Variants in CSMD2 observed in about 807,000 individuals in gnomAD.
CSMD2 encodes the protein CUB and sushi domain-containing protein 2.
In CSMD2, 130 loss-of-function variants were observed where a neutral mutation model predicts 398.5. That is an observed-to-expected ratio of 0.33 (90% CI 0.28 to 0.38). The LOEUF (loss-of-function observed/expected upper bound fraction) is 0.38. Among genes scored for constraint, CSMD2 ranks in the 10% least tolerant of loss-of-function variants. CSMD2 has a pLI of 1.00. For synonymous variants in CSMD2, 1,828 were observed against 1,908.5 expected, an observed-to-expected ratio of 0.96 and a Z score of 1.10; for missense variants, 3,829 against 4,764.9, an observed-to-expected ratio of 0.80 and a Z score of 5.78.
At chr1:34,161,148 A>G (rs945613893) in intron 1 of CSMD2, among the ~76,000 whole-genome samples, 6 of 152,156 alleles carry the variant, frequency 3.9e-5, no homozygotes, top group African/African-American at 1.4e-4. Flanking sequence ...CATAACTGGG[A>G]GGCTACAGGA....
intron 4 of CSMD2, 100 bp from the exon 5 acceptor site, chr1:33,918,401 G>T: frequency 2.1e-6 from 2 of 951,954 alleles, no homozygotes; most frequent in Non-Finnish European, 3.2e-6. Context: ...TGTCTCCCAA[G>T]AGTACAATTC....
At chr1:33,721,767 G>A (rs1338223911) in intron 19 of CSMD2, among the ~76,000 whole-genome samples, 3 of 152,230 alleles carry the variant, frequency 2.0e-5, no homozygotes, top group Non-Finnish European at 4.4e-5. Flanking sequence ...TTAAGTACAT[G>A]TGGTGGGACT....
Position 34,164,889 on chromosome 1 carries a change from T to C in CSMD2, c.187+22A>G, listed in dbSNP as rs1428519651. The C allele has an allele frequency of 2.5e-6, 3 of 1,217,760 alleles. No homozygotes were observed. The highest frequency in any genetic ancestry group is 3.1e-6 in the Non-Finnish European group (3 of 979,110). 75.4% of individuals were successfully genotyped at this position (1,217,760 alleles called of 1,614,324 possible). A position where few individuals can be genotyped will look rare whatever the true frequency, so the allele number is the denominator to read the frequency against. ...GGTGGGGCGCGCGGCGGCCGCTGGC[T>C]CCTCGGCGCGGCTGGACTCACCCGC... On this transcript the variant is annotated intron_variant, in intron 1 of 70. Coordinates refer to ENST00000373381, the MANE Select transcript of CSMD2 (RefSeq NM_001281956.2). This position sits in a 1 kb window ranked among gnomAD's most constrained non-coding sequence, Gnocchi z 6.2.
At chr1:34,132,702 C>T (rs1418121277) in intron 1 of CSMD2, among the ~76,000 whole-genome samples, 1 of 152,198 alleles carries the variant, frequency 6.6e-6, no homozygotes, top group Non-Finnish European at 1.5e-5. Context: ...CAAATTCTCT[C>T]TCCTTGAGCT....
At chr1:33,583,335 A>C (rs1488234579) in intron 47 of CSMD2, among the ~76,000 whole-genome samples, 7 of 152,122 alleles carry the variant, frequency 4.6e-5, no homozygotes, top group Admixed American at 1.3e-4. Context: ...TTTTGGAGGA[A>C]GCACACTCTT....
At chr1:33,826,423 A>G (rs1459927912) in intron 6 of CSMD2, among the ~76,000 whole-genome samples, 2 of 152,190 alleles carry the variant, frequency 1.3e-5, no homozygotes, top group African/African-American at 4.8e-5. Context: ...GGCCTCTTGC[A>G]TCTCTGCCAT....
chr1:33,939,448 G>T (rs1231791317), intron 3 of CSMD2, among the ~76,000 whole-genome samples: 1 of 152,208 alleles, frequency 6.6e-6, no homozygotes, highest in East Asian at 1.9e-4. Flanking sequence ...AAGCTAAGGT[G>T]AGGGGAGGGA....
At position 33,633,514 on chromosome 1, in the gene CSMD2, A is replaced by C. The variant is rs747385701; in HGVS notation, c.5108T>G (p.Phe1703Cys). ...KDYVVFGQFA[F>C]FHTALNDVVE... ...CACGTCGTTGAGGGCCGTGTGAAAG[A>C]AGGCGAACTGGCCAAACACCACTGT... Residue 1703 changes from phenylalanine to cysteine, a missense_variant, in exon 32 of 71, where the codon TTC becomes TGC. Physicochemically the swap from Phe to Cys is radical, Grantham distance 205 (BLOSUM62 -2). Transcript: ENST00000373381. The surrounding 1 kb of genome is among the most constrained non-coding windows in gnomAD (Gnocchi z 5.0). 1.3e-6 allele frequency: 2 copies of C among 1,552,744 alleles called. No individual in the cohort carries two copies. The highest frequency in any genetic ancestry group is 2.4e-5 in the East Asian group (1 of 41,072).
intron 1 of CSMD2, among the ~76,000 whole-genome samples, chr1:34,102,176 G>A: frequency 6.6e-6 from 1 of 152,044 alleles, no homozygotes; most frequent in Non-Finnish European, 1.5e-5. Context: ...GACTACAGGT[G>A]CCCGCCACCA....
At chr1:33,888,413 A>G (rs1187685880) in intron 5 of CSMD2, among the ~76,000 whole-genome samples, 1 of 152,246 alleles carries the variant, frequency 6.6e-6, no homozygotes, top group African/African-American at 2.4e-5. Flanking sequence ...TGACACAGAA[A>G]TAGATTAACA....
At chr1:33,549,758 C>T (rs1657255040) in intron 56 of CSMD2, among the ~76,000 whole-genome samples, 1 of 152,102 alleles carries the variant, frequency 6.6e-6, no homozygotes, top group Non-Finnish European at 1.5e-5. Flanking sequence ...GAAAAGAACA[C>T]AGGAGTGGGC....
At chr1:33,649,513 A>G (rs1266093570) in intron 28 of CSMD2, among the ~76,000 whole-genome samples, 1 of 152,070 alleles carries the variant, frequency 6.6e-6, no homozygotes, top group Non-Finnish European at 1.5e-5. Flanking sequence ...GTGTGGTGGC[A>G]TGCACCTGTA....
At chr1:33,682,499 G>T (rs1227324870) in intron 25 of CSMD2, among the ~76,000 whole-genome samples, 2 of 152,134 alleles carry the variant, frequency 1.3e-5, no homozygotes, top group East Asian at 3.9e-4. Context: ...TGTTACCTTT[G>T]TAAGTGAATC....
intron 3 of CSMD2, among the ~76,000 whole-genome samples, chr1:34,010,318 C>A (rs1279729172): frequency 6.6e-6 from 1 of 152,192 alleles, no homozygotes; most frequent in Non-Finnish European, 1.5e-5. Flanking sequence ...GGAAGCAGGG[C>A]CTGTAAGGGA....
chr1:33,822,958 C>A (rs1490391321), intron 7 of CSMD2, among the ~76,000 whole-genome samples: 1 of 152,208 alleles, frequency 6.6e-6, no homozygotes, highest in Non-Finnish European at 1.5e-5. Context: ...TTCATGGGAA[C>A]CACACAGCCC....
intron 1 of CSMD2, among the ~76,000 whole-genome samples, chr1:34,111,999 TC>T (rs1299473690): frequency 6.7e-6 from 1 of 149,410 alleles, no homozygotes; most frequent in Non-Finnish European, 1.5e-5. Flanking sequence ...TCTCTCTCTC[TC>T]TCTCTCTCTC....
chr1:33,840,617 AAT>A (rs1206913447), intron 6 of CSMD2, among the ~76,000 whole-genome samples: 1 of 152,202 alleles, frequency 6.6e-6, no homozygotes, highest in Non-Finnish European at 1.5e-5. Flanking sequence ...CTGTTATAAG[AAT>A]ATGTGCTTTA....
At chr1:33,903,014 C>T (rs1642855343) in intron 5 of CSMD2, among the ~76,000 whole-genome samples, 1 of 152,188 alleles carries the variant, frequency 6.6e-6, no homozygotes, top group Non-Finnish European at 1.5e-5. Context: ...CACTGCAGCT[C>T]AGAGGAAGTG....
At chr1:33,861,048 A>AT (rs910374213) in intron 5 of CSMD2, among the ~76,000 whole-genome samples, 134 of 152,344 alleles carry the variant, frequency 8.8e-4, no homozygotes, top group African/African-American at 3.1e-3. Flanking sequence ...TTGTATGGAG[A>AT]TAAAAATAGC....
Sources: gnomAD v4.1 joint callset for allele counts (sites outside exome capture counted in the v4.1 genomes callset) on GRCh38, gnomAD v4.1.1 for gene constraint, Gnocchi (gnomAD v3.1) non-coding constraint, MANE v1.5 for transcripts, NCBI Gene and HGNC (gene_info 2026-07-23, HGNC 2026-07-21) for gene names.